Variants in PARD6G observed in about 807,000 individuals in gnomAD.
The protein encoded by PARD6G is partitioning defective 6 homolog gamma.
PARD6G carries 7 observed loss-of-function variants against 10.7 expected under a neutral mutation model. The ratio of observed to expected loss-of-function variants is 0.66; its 90% CI spans 0.37 to 1.23. PARD6G has a LOEUF of 1.23. Ranked by LOEUF, PARD6G falls within the 50% of genes most tolerant of loss-of-function variation. PARD6G has a pLI of 0.02. For synonymous variants in PARD6G, 287 were observed against 269.4 expected, an observed-to-expected ratio of 1.07 and a Z score of -0.64; for missense variants, 548 against 571.8, an observed-to-expected ratio of 0.96 and a Z score of 0.42.
intron 1 of PARD6G, among the ~76,000 whole-genome samples, chr18:80,220,496 C>T (rs7242269): frequency 0.84 from 128,300 of 152,192 alleles, 54,223 homozygotes; most frequent in Non-Finnish European, 0.87. Flanking sequence ...CAGTTAATAG[C>T]AATATATCAG....
At chr18:80,234,159 C>A (rs1353522444) in intron 1 of PARD6G, among the ~76,000 whole-genome samples, 1 of 144,704 alleles carries the variant, frequency 6.9e-6, no homozygotes, top group Admixed American at 6.7e-5. Context: ...GTCCAACTTT[C>A]ATTGTACACA....
intron 1 of PARD6G, among the ~76,000 whole-genome samples, chr18:80,238,065 C>G (rs929401802): frequency 6.6e-6 from 1 of 152,192 alleles, no homozygotes; most frequent in Non-Finnish European, 1.5e-5. Flanking sequence ...TACTGCGGCA[C>G]TGTTCACAAT....
intron 2 of PARD6G, chr18:80,197,391 C>G (rs1966967571): frequency 6.6e-6 from 1 of 152,148 alleles, no homozygotes; most frequent in Non-Finnish European, 1.5e-5. Context: ...CAAAATACAC[C>G]CCATCGGGCA....
intron 2 of PARD6G, among the ~76,000 whole-genome samples, chr18:80,191,453 C>T (rs1966895967): frequency 6.6e-6 from 1 of 152,176 alleles, no homozygotes; most frequent in East Asian, 1.9e-4. Flanking sequence ...ACTCAAAACA[C>T]TCTGAGTGCC....
intron 1 of PARD6G, among the ~76,000 whole-genome samples, chr18:80,218,072 A>G (rs1967189554): frequency 6.6e-6 from 1 of 152,132 alleles, no homozygotes; most frequent in South Asian, 2.1e-4. Context: ...TAGGAACTAC[A>G]ATTCAAGATG....
chr18:80,171,307 G>T (rs771265584), intron 2 of PARD6G: 1 of 152,046 alleles, frequency 6.6e-6, no homozygotes, highest in Non-Finnish European at 1.5e-5. Context: ...ACTCTGGGTG[G>T]GGGTCTCCAC....
chr18:80,181,759 A>G lies in PARD6G; in HGVS notation c.295+20951T>C, dbSNP rs1479057165. On this transcript the variant is annotated intron_variant, in intron 2 of 2. Transcript: ENST00000353265. This position sits in a 1 kb window ranked among gnomAD's most constrained non-coding sequence, Gnocchi z 7.9. ...TCAGCTCCTGGCCTTCCTGATGGGC[A>G]TCGGCTCCCCATTCCTCGCGTCCTC... Among the ~76,000 whole-genome samples, 1 of 151,954 alleles carries G rather than the reference A, an allele frequency of 6.6e-6. No individual in the cohort carries two copies.
At position 80,159,834 on chromosome 18, in the gene PARD6G, G is replaced by A. The variant is rs1370954039; in HGVS notation, c.1068C>T (p.Pro356=). ...QRLLSSLRAD[P]RHSLALPPGG... is the part of the protein sequence containing the mutation. ...CTGGCGGCAGCGCCAGGCTGTGACG[G>A]GGGTCGGCCCGCAGGGAGCTGAGCA... The change falls in exon 3 of 3, where the codon CCC becomes CCT. Residue 356 remains proline (P), a synonymous_variant. Transcript: ENST00000353265. The A allele has an allele frequency of 2.7e-6, 4 of 1,491,156 alleles. No individual in the cohort carries two copies. Among genetic ancestry groups the A allele is most frequent in the South Asian group, 2.6e-5 (2 of 76,584 alleles). 92.4% of individuals were successfully genotyped at this position (1,491,156 alleles called of 1,614,324 possible).
chr18:80,176,917 G>A (rs1175312243), intron 2 of PARD6G, among the ~76,000 whole-genome samples: 1 of 137,692 alleles, frequency 7.3e-6, no homozygotes, highest in Non-Finnish European at 1.6e-5. Flanking sequence ...ACACACACAG[G>A]ATAAATCACA....
At chr18:80,209,438 G>A (rs1471261934) in intron 1 of PARD6G, among the ~76,000 whole-genome samples, 2 of 152,142 alleles carry the variant, frequency 1.3e-5, no homozygotes, top group Non-Finnish European at 2.9e-5. Flanking sequence ...AGTAAAAAAC[G>A]GGGTTGGGGG....
chr18:80,177,144 G>T (rs2052814850), intron 2 of PARD6G, among the ~76,000 whole-genome samples: 1 of 97,308 alleles, frequency 1.0e-5, no homozygotes, highest in Non-Finnish European at 1.9e-5. Flanking sequence ...ACACACCACA[G>T]TATAAATCAC....
chr18:80,246,714 C>T lies in PARD6G; in HGVS notation c.72+563G>A, dbSNP rs1967554217. 6.6e-6 allele frequency among the ~76,000 whole-genome samples: 1 copy of T among 151,670 alleles called. No homozygotes were observed. The highest frequency in any genetic ancestry group is 2.4e-5 in the African/African-American group (1 of 41,344). On this transcript the variant is annotated intron_variant, in intron 1 of 2. Transcript: ENST00000353265. This position sits in a 1 kb window ranked among gnomAD's most constrained non-coding sequence, Gnocchi z 6.7. ...GGGCCGGGGGAGAGCCGGGTGCGTG[C>T]TCTGGGTCTGCGCGGGGGAGCGCGC...
At chr18:80,163,238 A>G (rs890488387) in intron 2 of PARD6G, among the ~76,000 whole-genome samples, 1 of 152,164 alleles carries the variant, frequency 6.6e-6, no homozygotes, top group African/African-American at 2.4e-5. Flanking sequence ...CAGAGCCACG[A>G]GCAGCAGGGC....
At chr18:80,205,885 T>C (rs181519388) in intron 1 of PARD6G, among the ~76,000 whole-genome samples, 5 of 152,362 alleles carry the variant, frequency 3.3e-5, no homozygotes, top group Non-Finnish European at 5.9e-5. Flanking sequence ...ATACATAAGA[T>C]AATTTAATCA....
chr18:80,206,495 C>A (rs1568437174), intron 1 of PARD6G, among the ~76,000 whole-genome samples: 6 of 152,180 alleles, frequency 3.9e-5, no homozygotes, highest in Non-Finnish European at 7.3e-5. Flanking sequence ...AGGCAATAAA[C>A]CTTGCAAGTC....
In PARD6G at chr18:80,202,948, CGGGGTGGGGGGAGGGG is replaced by C; in HGVS notation, c.73-32_73-17del. The C allele has an allele frequency of 9.3e-7, 1 of 1,075,146 alleles. No individual in the cohort carries two copies. The highest frequency in any genetic ancestry group is 1.3e-6 in the Non-Finnish European group (1 of 798,902). The allele number at this position is 1,075,146 out of a possible 1,614,324, so 66.6% of individuals were successfully genotyped here. A position where few individuals can be genotyped will look rare whatever the true frequency, so the allele number is the denominator to read the frequency against. On this transcript the variant is annotated splice_polypyrimidine_tract_variant and intron_variant, in intron 1 of 2. Coordinates refer to ENST00000353265, the MANE Select transcript of PARD6G (RefSeq NM_032510.4). ...CCGCCCCAAACTACAATGCAAGAGA[CGGGGTGGGGGGAGGGG>C]CATTAATAAATACCAGAGAAATATC...
At position 80,166,936 on chromosome 18, in the gene PARD6G, C is replaced by T. The variant is rs540205758; in HGVS notation, c.296-6330G>A. ...CCCCTTTGATCTCAGTCGTGCTGGC[C>T]AGACCCTAACATCCCATGCTGACCC... On this transcript the variant is annotated intron_variant, in intron 2 of 2. Transcript: ENST00000353265. Among the ~76,000 whole-genome samples the T allele has an allele frequency of 3.9e-5, 6 of 152,210 alleles. No individual in the cohort carries two copies. In the East Asian group the frequency reaches 1.2e-3, roughly 29 times the overall value.
chr18:80,179,209 G>A (rs2052834350), intron 2 of PARD6G, among the ~76,000 whole-genome samples: 1 of 150,356 alleles, frequency 6.7e-6, no homozygotes, highest in South Asian at 2.1e-4. Context: ...AGGGCCTGAG[G>A]GTTGGCTGCA....
At chr18:80,163,605 G>A (rs907731402) in intron 2 of PARD6G, among the ~76,000 whole-genome samples, 5 of 152,226 alleles carry the variant, frequency 3.3e-5, no homozygotes, top group Admixed American at 3.3e-4. Flanking sequence ...CCAGGTGGAA[G>A]CATCTCGGCC....
Sources: gnomAD v4.1 joint callset for allele counts (sites outside exome capture counted in the v4.1 genomes callset) on GRCh38, gnomAD v4.1.1 for gene constraint, Gnocchi (gnomAD v3.1) non-coding constraint, MANE v1.5 for transcripts, NCBI Gene and HGNC (gene_info 2026-07-23, HGNC 2026-07-21) for gene names.